Variants in ZNF407 observed in about 807,000 individuals in gnomAD.
The protein encoded by ZNF407 is zinc finger protein 407.
ZNF407 carries 17 observed loss-of-function variants against 131.2 expected under a neutral mutation model. The observed-to-expected ratio is 0.13, with a 90% CI of 0.09 to 0.19. The LOEUF (loss-of-function observed/expected upper bound fraction) is 0.19, where lower values mean the gene tolerates loss of function less well. Ranked by LOEUF, ZNF407 falls within the 10% of genes least tolerant of loss-of-function variation. The pLI is 1.00. For missense variants in ZNF407, 2,681 were observed against 2,830.6 expected, an observed-to-expected ratio of 0.95 and a Z score of 1.20; for synonymous variants, 1,156 against 1,062.0, an observed-to-expected ratio of 1.09 and a Z score of -1.72.
intron 4 of ZNF407, among the ~76,000 whole-genome samples, chr18:74,835,071 G>A (rs138510589): frequency 1.3e-3 from 198 of 152,238 alleles, no homozygotes; most frequent in Non-Finnish European, 2.1e-3. Context: ...AGCTTCCCTA[G>A]GAAAGCTGTC....
chr18:74,750,553 C>G (rs577858785), intron 3 of ZNF407, among the ~76,000 whole-genome samples: 2 of 152,280 alleles, frequency 1.3e-5, no homozygotes, highest in East Asian at 3.9e-4. Context: ...GTGCTTCCTT[C>G]TTGTGGCCAA....
At chr18:74,938,654 G>A (rs1182877793) in intron 8 of ZNF407, among the ~76,000 whole-genome samples, 2 of 152,202 alleles carry the variant, frequency 1.3e-5, no homozygotes, top group South Asian at 2.1e-4. Flanking sequence ...TTGGATGAAT[G>A]TAGATTGCAC....
chr18:74,752,554 G>A (rs972053658), intron 3 of ZNF407, among the ~76,000 whole-genome samples: 19 of 152,002 alleles, frequency 1.2e-4, no homozygotes, highest in East Asian at 1.9e-4. Context: ...TTTTTGTATA[G>A]GGTGTAAGGA....
At chr18:74,851,544 T>C (rs1375737042) in intron 4 of ZNF407, among the ~76,000 whole-genome samples, 1 of 152,206 alleles carries the variant, frequency 6.6e-6, no homozygotes, top group African/African-American at 2.4e-5. Context: ...CGCGAGGCTG[T>C]GCGTGAGGTG....
chr18:74,635,031 G>A lies in ZNF407; in HGVS notation c.4012G>A (p.Glu1338Lys). Reference protein sequence around the residue: ...DSTVESSDVYETIISIDDKGQ... With the variant: ...DSTVESSDVYKTIISIDDKGQ... Reference sequence around the variant, plus strand: ...CACAGTTGAAAGTAGTGATGTCTATGAAACTATAATTAGTATTGATGATAA... The same window carrying A: ...CACAGTTGAAAGTAGTGATGTCTATAAAACTATAATTAGTATTGATGATAA... Residue 1338 changes from glutamate to lysine, a missense_variant, in exon 2 of 9, where the codon GAA becomes AAA. Physicochemically the swap from Glu to Lys is moderately conservative, Grantham distance 56. Coordinates refer to ENST00000299687, the MANE Select transcript of ZNF407 (RefSeq NM_017757.3). This position sits in a 1 kb window ranked among gnomAD's most constrained non-coding sequence, Gnocchi z 4.7. 6.2e-7 allele frequency: 1 copy of A among 1,613,964 alleles called. No homozygotes were observed. The highest frequency in any genetic ancestry group is 8.5e-7 in the Non-Finnish European group (1 of 1,179,892).
intron 4 of ZNF407, among the ~76,000 whole-genome samples, chr18:74,807,964 C>T (rs1244920769): frequency 6.6e-6 from 1 of 152,074 alleles, no homozygotes; most frequent in Admixed American, 6.5e-5. Flanking sequence ...AGCGATCCCC[C>T]ACCTCAGCTT....
chr18:74,790,577 C>T (rs954152299), intron 4 of ZNF407, among the ~76,000 whole-genome samples: 3 of 152,108 alleles, frequency 2.0e-5, no homozygotes, highest in Admixed American at 2.0e-4. Flanking sequence ...ACTTTTAGAA[C>T]ACTGGGGCTT....
intron 8 of ZNF407, among the ~76,000 whole-genome samples, chr18:75,050,226 G>C (rs1372811913): frequency 6.6e-6 from 1 of 151,604 alleles, no homozygotes; most frequent in Non-Finnish European, 1.5e-5. Context: ...TTAATATATT[G>C]AGCCCTTCCT....
At chr18:74,936,641 A>G (rs1599253335) in intron 8 of ZNF407, among the ~76,000 whole-genome samples, 2 of 152,144 alleles carry the variant, frequency 1.3e-5, no homozygotes, top group African/African-American at 4.8e-5. Context: ...CGCAGGTAGG[A>G]TCTTTGACTC....
intron 8 of ZNF407, among the ~76,000 whole-genome samples, chr18:74,937,050 A>C (rs1271823466): frequency 6.6e-6 from 1 of 152,182 alleles, no homozygotes; most frequent in Non-Finnish European, 1.5e-5. Flanking sequence ...AATTTTGGAC[A>C]TTTTGCTCCC....
At chr18:75,038,035 A>C (rs945590249) in intron 8 of ZNF407, among the ~76,000 whole-genome samples, 4 of 152,228 alleles carry the variant, frequency 2.6e-5, no homozygotes, top group African/African-American at 9.6e-5. Flanking sequence ...CATAACGTGA[A>C]GACTAATTAA....
Position 75,063,552 on chromosome 18 carries a change from T to TG in ZNF407, c.5837dup (p.Ser1947LeufsTer9). On this transcript the variant is annotated frameshift_variant, in exon 9 of 9. Coordinates refer to ENST00000299687, the MANE Select transcript of ZNF407 (RefSeq NM_017757.3). LOFTEE classifies it low-confidence loss of function (END_TRUNC). The surrounding 1 kb of genome is among the most constrained non-coding windows in gnomAD (Gnocchi z 6.6). ...GATGGAGCCACCCAGGTGGTCGTCG[T>TG]GGGGGGCTCCATGGAAGGCCACGGC... 1 of 1,567,294 alleles carries TG rather than the reference T, an allele frequency of 6.4e-7. No individual in the cohort carries two copies. The highest frequency in any genetic ancestry group is 8.6e-7 in the Non-Finnish European group (1 of 1,157,784).
In ZNF407 at chr18:74,805,718, G is replaced by T. The variant is rs191328212; in HGVS notation, c.4877+24216G>T. Among the ~76,000 whole-genome samples, 108 of 152,192 alleles carry T rather than the reference G, an allele frequency of 7.1e-4. 2 individuals are homozygous for T. Among genetic ancestry groups the T allele is most frequent in the Admixed American group, 7.1e-3 (108 of 15,298 alleles). On this transcript the variant is annotated intron_variant, in intron 4 of 8. Coordinates refer to ENST00000299687, the MANE Select transcript of ZNF407 (RefSeq NM_017757.3). ...TGGGAATGAACACCATCTGTTAAAG[G>T]GTCTCCACCTGGTATAGGTAGAGAC...
chr18:74,858,870 T>A (rs1195872997), intron 4 of ZNF407, among the ~76,000 whole-genome samples: 1 of 152,008 alleles, frequency 6.6e-6, no homozygotes, highest in African/African-American at 2.4e-5. Flanking sequence ...TCAGACACAT[T>A]AACAATTTCA....
intron 8 of ZNF407, among the ~76,000 whole-genome samples, chr18:74,934,534 C>T (rs1197919601): frequency 1.3e-5 from 2 of 152,204 alleles, no homozygotes; most frequent in Non-Finnish European, 1.5e-5. Flanking sequence ...TTTAGCTGGG[C>T]ATGGTGGCTC....
intron 3 of ZNF407, among the ~76,000 whole-genome samples, chr18:74,751,530 A>T (rs1260863746): frequency 7.1e-6 from 1 of 141,612 alleles, no homozygotes. Flanking sequence ...CCCTCCCCCC[A>T]CCACACGACA....
At chr18:74,995,266 G>T (rs994155551) in intron 8 of ZNF407, among the ~76,000 whole-genome samples, 1 of 152,136 alleles carries the variant, frequency 6.6e-6, no homozygotes, top group African/African-American at 2.4e-5. Context: ...GGCACCTTAG[G>T]GCTAAAGGAG....
chr18:74,711,908 C>T lies in ZNF407; in HGVS notation c.4803-69520C>T, dbSNP rs541000949. 5.9e-5 allele frequency among the ~76,000 whole-genome samples: 9 copies of T among 152,232 alleles called. No individual in the cohort carries two copies. The East Asian group carries it at 1.7e-3, about 29-fold the overall frequency. ...GTTTTTTTAGTGGAGAGGGATTTCA[C>T]CATGTTGGCCAGGCTGGTCTTGAAC... On this transcript the variant is annotated intron_variant, in intron 3 of 8. Transcript: ENST00000299687.
At chr18:74,874,539 C>T (rs1234570137) in intron 4 of ZNF407, among the ~76,000 whole-genome samples, 4 of 152,100 alleles carry the variant, frequency 2.6e-5, no homozygotes, top group Non-Finnish European at 5.9e-5. Flanking sequence ...GAGGAAGAGT[C>T]ACAGCTGTTG....
Sources: allele counts gnomAD v4.1 joint callset (sites outside exome capture counted in the v4.1 genomes callset), GRCh38; gene constraint gnomAD v4.1.1; non-coding constraint Gnocchi (gnomAD v3.1); transcripts MANE v1.5; gene names NCBI Gene and HGNC (gene_info 2026-07-23, HGNC 2026-07-21).